Variants in MBTPS1 observed in about 807,000 individuals in gnomAD.
MBTPS1 encodes the protein membrane bound transcription factor peptidase, site 1.
A neutral mutation model predicts 127.8 loss-of-function variants in MBTPS1; 94 were observed. The ratio of observed to expected loss-of-function variants is 0.74; its 90% CI spans 0.62 to 0.87. MBTPS1 has a LOEUF of 0.87. MBTPS1 is among the 40% of genes least tolerant of loss of function. MBTPS1 has a pLI of 0.00. For synonymous variants in MBTPS1, 632 were observed against 509.4 expected (o/e 1.24, Z -3.24); for missense variants, 1,636 against 1,353.2 (o/e 1.21, Z -3.28).
intron 11 of MBTPS1, among the ~76,000 whole-genome samples, chr16:84,077,248 A>AG (rs1364237111): frequency 0.021 from 2,920 of 138,332 alleles, 27 homozygotes; most frequent in Non-Finnish European, 0.026. Flanking sequence ...AAAAAAAAAA[A>AG]AAGAGAGAGA....
intron 3 of MBTPS1, among the ~76,000 whole-genome samples, chr16:84,098,794 T>A (rs184402780): frequency 6.6e-6 from 1 of 152,176 alleles, no homozygotes; most frequent in East Asian, 1.9e-4. Context: ...ATCACTACCA[T>A]CTACTACTGC....
intron 2 of MBTPS1, 37 bp downstream of exon 2, chr16:84,101,584 G>T: frequency 6.5e-7 from 1 of 1,533,054 alleles, no homozygotes; most frequent in Non-Finnish European, 8.9e-7. Context: ...TAAAAAAATA[G>T]GATGGGAGTT....
In MBTPS1 at chr16:84,099,105, G is replaced by C. The variant is rs2086218792; in HGVS notation, c.369C>G (p.Ile123Met). 1 of 1,614,074 alleles carries C rather than the reference G, an allele frequency of 6.2e-7. No homozygotes were observed. The highest frequency in any genetic ancestry group is 8.5e-7 in the Non-Finnish European group (1 of 1,180,030). ...CTTTTCGTTGGGGCGTGACCCGTTT[G>C]ATGTTTGGATGATCTTCAAGTGTTA... is the stretch of plus-strand genomic sequence containing the variant. The part of the protein sequence containing the change: ...GLLTLEDHPN[I>M]KRVTPQRKVF... The change falls in exon 3 of 23, where the codon ATC (isoleucine) becomes ATG (methionine). Residue 123 changes from isoleucine (I) to methionine (M), a missense_variant. Transcript: ENST00000343411.
intron 1 of MBTPS1, among the ~76,000 whole-genome samples, chr16:84,103,538 C>T (rs1259899298): frequency 1.3e-5 from 2 of 152,044 alleles, no homozygotes; most frequent in African/African-American, 2.4e-5. Context: ...AGACAAGAGC[C>T]GCCATGTCCG....
In MBTPS1 at chr16:84,079,358, C is replaced by A. The variant is rs115503441; in HGVS notation, c.1448+2389G>T. Among the ~76,000 whole-genome samples, 189 of 152,250 alleles carry A rather than the reference C, an allele frequency of 1.2e-3. 1 individual carries two copies. Among genetic ancestry groups the A allele is most frequent in the African/African-American group, 4.3e-3 (180 of 41,534 alleles). ...CATCCTTAGAACCACAGTCATGTTT[C>A]ACACACCCAATAACAAGTTATAATC... On this transcript the variant is annotated intron_variant, in intron 11 of 22. Coordinates refer to ENST00000343411, the MANE Select transcript of MBTPS1 (RefSeq NM_003791.4).
chr16:84,106,579 T>C (rs1409307292), intron 1 of MBTPS1, among the ~76,000 whole-genome samples: 2 of 152,020 alleles, frequency 1.3e-5, no homozygotes, highest in Admixed American at 6.5e-5. Context: ...AAGCCAAAGA[T>C]GAAATCTGAG....
rs2085686417 is a variant in MBTPS1 at position 84,066,572 on chromosome 16, G to A, written c.2270C>T (p.Ala757Val). ...MPDTGGANIP[A>V]LNELLSVWNM... is the part of the protein sequence containing the mutation. ...CCACACAGACAGCAGCTCATTCAGA[G>A]CTGGGATGTTAGCTCCTCCGGTATC... The change falls in exon 17 of 23, where the codon GCT becomes GTT. Residue 757 changes from alanine (A) to valine (V), a missense_variant. By Grantham distance (64) the Ala-to-Val change is moderately conservative. Transcript: ENST00000343411. The A allele has an allele frequency of 6.2e-7, 1 of 1,614,056 alleles. No individual in the cohort carries two copies. Among genetic ancestry groups the A allele is most frequent in the African/African-American group, 1.3e-5 (1 of 74,940 alleles).
chr16:84,087,489 GA>G (rs752638523), intron 8 of MBTPS1, 29 bp from the exon 9 acceptor site: 3 of 1,147,678 alleles, frequency 2.6e-6, no homozygotes, highest in Non-Finnish European at 2.5e-6. Flanking sequence ...AAAAAAAAAA[GA>G]AAAGAAAAAG....
chr16:84,070,637 A>G lies in MBTPS1; in HGVS notation c.1733T>C (p.Ile578Thr). The change falls in exon 13 of 23, where the codon ATT becomes ACT. Residue 578 changes from isoleucine (I) to threonine (T), a missense_variant. By Grantham distance (89) the Ile-to-Thr change is moderately conservative. Coordinates refer to ENST00000343411, the MANE Select transcript of MBTPS1 (RefSeq NM_003791.4). ...VTKKAASWEGIAQGHVMITVA... is the reference protein window; with the variant it reads ...VTKKAASWEGTAQGHVMITVA... ...AGTGATCATGACATGGCCCTGAGCAATGCCTTCCCAGGAAGCCGCTTTCTT... is the reference window on the plus strand; with the variant it reads ...AGTGATCATGACATGGCCCTGAGCAGTGCCTTCCCAGGAAGCCGCTTTCTT... The G allele has an allele frequency of 6.2e-7, 1 of 1,613,568 alleles. No individual in the cohort carries two copies. Among genetic ancestry groups the G allele is most frequent in the Non-Finnish European group, 8.5e-7 (1 of 1,179,914 alleles).
intron 20 of MBTPS1, 28 bp downstream of exon 20, chr16:84,060,654 C>T: frequency 6.2e-7 from 1 of 1,606,676 alleles, no homozygotes; most frequent in Non-Finnish European, 8.5e-7. Context: ...CCAATTCCCT[C>T]CCCAAGGCAT....
chr16:84,078,046 A>C (rs1211127237), intron 11 of MBTPS1, among the ~76,000 whole-genome samples: 1 of 152,216 alleles, frequency 6.6e-6, no homozygotes, highest in Non-Finnish European at 1.5e-5. Context: ...GATTTGTAAA[A>C]ATAACAAGAC....
rs751079150 is a variant in MBTPS1, at chr16:84,070,040, TA to T, written c.1783-3del. On this transcript the variant is annotated splice_region_variant and splice_polypyrimidine_tract_variant and intron_variant, in intron 13 of 22. Coordinates refer to ENST00000343411, the MANE Select transcript of MBTPS1 (RefSeq NM_003791.4). Reference sequence around the variant, plus strand: ...AGTCTGTTCTGCACCATTTTTTGACTAAAAAAAAAGAAAAGAAACTTGAAAC... The same window carrying T: ...AGTCTGTTCTGCACCATTTTTTGACTAAAAAAAAGAAAAGAAACTTGAAAC... 351 of 1,529,116 alleles carry T rather than the reference TA, an allele frequency of 2.3e-4. No homozygotes were observed. The highest frequency in any genetic ancestry group is 7.1e-4 in the South Asian group (56 of 79,362). 94.7% of individuals were successfully genotyped at this position (1,529,116 alleles called of 1,614,324 possible).
In MBTPS1 at chr16:84,076,961, C is replaced by A. The variant is rs961551115; in HGVS notation, c.1449-2220G>T. 3.9e-5 allele frequency among the ~76,000 whole-genome samples: 6 copies of A among 152,202 alleles called. No homozygotes were observed. In the South Asian group the frequency reaches 1.2e-3, roughly 31 times the overall value. ...CCAAGAAGGGCCGGGTGAAGTGACTCACGCGTGTCATCCCAGCACTTTGGG... is the reference window on the plus strand; with the variant it reads ...CCAAGAAGGGCCGGGTGAAGTGACTAACGCGTGTCATCCCAGCACTTTGGG... On this transcript the variant is annotated intron_variant, in intron 11 of 22. Transcript: ENST00000343411.
chr16:84,070,601 G>A lies in MBTPS1; in HGVS notation c.1769C>T (p.Pro590Leu), dbSNP rs2085755934. Residue 590 changes from proline to leucine, a missense_variant, in exon 13 of 23, where the codon CCA (proline) becomes CTA (leucine). Coordinates refer to ENST00000343411, the MANE Select transcript of MBTPS1 (RefSeq NM_003791.4). ...QGHVMITVAS[P>L]AETESKNGAE... ...GCATATCCCTACCTCTGTCTCTGCT[G>A]GGGAAGCCACAGTGATCATGACATG... 2.5e-6 allele frequency: 4 copies of A among 1,612,094 alleles called. No homozygotes were observed. The highest frequency in any genetic ancestry group is 1.1e-5 in the South Asian group (1 of 90,978).
At chr16:84,094,000 C>A (rs1206969354) in intron 4 of MBTPS1, among the ~76,000 whole-genome samples, 179 bp from the exon 5 acceptor site, 1 of 152,150 alleles carries the variant, frequency 6.6e-6, no homozygotes, top group African/African-American at 2.4e-5. Context: ...TGAGCCAAGG[C>A]TAAGAAAAGA....
At position 84,074,812 on chromosome 16, in the gene MBTPS1, G is replaced by C. The variant is rs189931726; in HGVS notation, c.1449-71C>G. On this transcript the variant is annotated intron_variant, in intron 11 of 22. Coordinates refer to ENST00000343411, the MANE Select transcript of MBTPS1 (RefSeq NM_003791.4). ...ACAATGAAGCAACACAACTGTACAA[G>C]ACAGAGTTAACAAAGCAGACCTAGC... The C allele has an allele frequency of 5.0e-5, 70 of 1,410,348 alleles. No homozygotes were observed. The African/African-American group carries it at 9.1e-4, about 18-fold the overall frequency. 87.4% of individuals were successfully genotyped at this position (1,410,348 alleles called of 1,614,324 possible).
chr16:84,088,918 G>A (rs184412807), intron 8 of MBTPS1, among the ~76,000 whole-genome samples: 13 of 152,336 alleles, frequency 8.5e-5, no homozygotes, highest in African/African-American at 2.6e-4. Context: ...CAGCATGAGC[G>A]TACACACAAG....
chr16:84,060,483 A>C, intron 20 of MBTPS1, 199 bp downstream of exon 20: 2 of 562,358 alleles, frequency 3.6e-6, no homozygotes, highest in Non-Finnish European at 6.2e-6. Flanking sequence ...GTCCTCGATC[A>C]TGGCCCTCTG....
chr16:84,092,746 C>G (rs1220736289), intron 6 of MBTPS1, among the ~76,000 whole-genome samples: 1 of 152,196 alleles, frequency 6.6e-6, no homozygotes, highest in Non-Finnish European at 1.5e-5. Context: ...CTTGTAAACT[C>G]CCATTACCCA....
Sources: gnomAD v4.1 joint callset for allele counts (sites outside exome capture counted in the v4.1 genomes callset) on GRCh38, gnomAD v4.1.1 for gene constraint, MANE v1.5 for transcripts, NCBI Gene and HGNC (gene_info 2026-07-23, HGNC 2026-07-21) for gene names.